The following CNTD1 variants were observed in gnomAD, a reference collection of about 807,000 sequenced individuals.
CNTD1 encodes the protein cyclin N-terminal domain-containing protein 1.
Under a neutral mutation model 36.3 loss-of-function variants are expected in CNTD1, and 17 were observed. That is an observed-to-expected ratio of 0.47 (90% confidence interval 0.32 to 0.70). The LOEUF is 0.70. Ranked by LOEUF, CNTD1 falls within the 30% of genes least tolerant of loss-of-function variation. The pLI is 0.03. For missense variants in CNTD1, 338 were observed against 386.1 expected, an observed-to-expected ratio of 0.88 and a Z score of 1.04; for synonymous variants, 128 against 153.3, an observed-to-expected ratio of 0.83 and a Z score of 1.22.
intron 1 of CNTD1, among the ~76,000 whole-genome samples, chr17:42,801,509 AAATATATATATATATAT>A (rs1253174803): frequency 2.0e-5 from 1 of 50,280 alleles, no homozygotes; most frequent in African/African-American, 1.6e-4. Context: ...AAAAAAAAAA[AAATATATATATATATAT>A]ATATATATAT....
rs2054843166 is a variant in CNTD1, at chr17:42,804,375, CAAACTTTCCTTCCG to C, written c.401_414del (p.Leu134GlnfsTer21). The C allele has an allele frequency of 6.2e-7, 1 of 1,613,992 alleles. No individual in the cohort carries two copies. The highest frequency in any genetic ancestry group is 8.5e-7 in the Non-Finnish European group (1 of 1,179,926). Reference sequence around the variant, plus strand: ...TTGTGTCATGTGTTCAGCTGGCCAGCAAACTTTCCTTCCGAAACAAAGTAAGGAGCTGGGGTTGC... The same window carrying C: ...TTGTGTCATGTGTTCAGCTGGCCAGCAAACAAAGTAAGGAGCTGGGGTTGC... On this transcript the variant is annotated frameshift_variant, in exon 3 of 7. Coordinates refer to ENST00000588408, the MANE Select transcript of CNTD1 (RefSeq NM_173478.3). LOFTEE classifies it high-confidence loss of function.
In CNTD1 at chr17:42,799,138, C is replaced by T. The variant is rs565774899; in HGVS notation, c.71C>T (p.Thr24Met). 2 of 1,614,030 alleles carry T rather than the reference C, an allele frequency of 1.2e-6. No individual in the cohort carries two copies. Among genetic ancestry groups the T allele is most frequent in the East Asian group, 2.2e-5 (1 of 44,854 alleles). The change falls in exon 1 of 7, where the codon ACG (threonine) becomes ATG (methionine). Residue 24 changes from threonine (T) to methionine (M), a missense_variant. Physicochemically the swap from Thr to Met is moderately conservative, Grantham distance 81. Coordinates refer to ENST00000588408, the MANE Select transcript of CNTD1 (RefSeq NM_173478.3). The part of the protein sequence containing the change: ...DFQFGVVATE[T>M]IEDALLHLAQ... ...CAGTTTGGAGTTGTCGCCACAGAGA[C>T]GATTGAAGACGCCCTGCTTCACTTG...
intron 1 of CNTD1, among the ~76,000 whole-genome samples, chr17:42,801,266 G>A (rs1231154560): frequency 6.7e-6 from 1 of 149,492 alleles, no homozygotes; most frequent in Non-Finnish European, 1.5e-5. Flanking sequence ...GAGGAAAAGT[G>A]ACTTTTGTTT....
intron 3 of CNTD1, among the ~76,000 whole-genome samples, chr17:42,805,140 G>GA (rs1006335801): frequency 5.3e-5 from 8 of 152,016 alleles, no homozygotes; most frequent in South Asian, 4.2e-4. Context: ...ATTTATAAGG[G>GA]AAAAAAATGT....
rs762505521 is a variant in CNTD1 at position 42,806,824 on chromosome 17, A to G, written c.725+6A>G. 3 of 1,613,954 alleles carry G rather than the reference A, an allele frequency of 1.9e-6. No homozygotes were observed. The highest frequency in any genetic ancestry group is 2.5e-6 in the Non-Finnish European group (3 of 1,179,904). On this transcript the variant is annotated splice_donor_region_variant and intron_variant, in intron 5 of 6. Transcript: ENST00000588408. ...ACTCCCAGTCAGCTGCAAGGGTAAG[A>G]CAACTCCTATAGGGTAGGCTCCTTC...
chr17:42,804,145 G>A, intron 2 of CNTD1, 80 bp from the exon 3 acceptor site: 1 of 1,355,080 alleles, frequency 7.4e-7, no homozygotes, highest in Non-Finnish European at 1.0e-6. Context: ...AGCCTCAAAT[G>A]TAAATTTCTT....
rs1425500102 is a variant in CNTD1 at position 42,806,659 on chromosome 17, C to T, written c.581-15C>T. 3.1e-6 allele frequency: 5 copies of T among 1,612,824 alleles called. No homozygotes were observed. Among genetic ancestry groups the T allele is most frequent in the Non-Finnish European group, 4.2e-6 (5 of 1,178,988 alleles). On this transcript the variant is annotated splice_polypyrimidine_tract_variant and intron_variant, in intron 4 of 6. Transcript: ENST00000588408. ...TGATCATAAATTCTCCCTATCATTC[C>T]CATACTCCATCTAGGATACAATGGC...
Position 42,810,610 on chromosome 17 carries a change from AT to A in CNTD1, c.*1079del. On this transcript the variant is annotated 3_prime_UTR_variant, in exon 7 of 7. Coordinates refer to ENST00000588408, the MANE Select transcript of CNTD1 (RefSeq NM_173478.3). ...CTCTGGAAAGTATCTGTCACATGAT[AT>A]TTTAAAATAAAGTGGCTTTTGTGGA... 1 of 793,744 alleles carries A rather than the reference AT, an allele frequency of 1.3e-6. No homozygotes were observed. The highest frequency in any genetic ancestry group is 1.8e-6 in the Non-Finnish European group (1 of 542,156). The allele number at this position is 793,744 out of a possible 1,614,324, so 49.2% of individuals were successfully genotyped here.
At chr17:42,807,702 G>T in intron 5 of CNTD1, 66 bp from the exon 6 acceptor site, 1 of 1,134,966 alleles carries the variant, frequency 8.8e-7, no homozygotes, top group South Asian at 1.3e-5. Context: ...GAAGTTCCAT[G>T]ACCCTATGAT....
intron 1 of CNTD1, among the ~76,000 whole-genome samples, chr17:42,801,510 AATATATATATAT>A (rs1216506814): frequency 1.5e-4 from 8 of 54,354 alleles, no homozygotes; most frequent in African/African-American, 8.3e-4. Flanking sequence ...AAAAAAAAAA[AATATATATATAT>A]ATATATATAT....
Position 42,803,703 on chromosome 17 carries a change from C to T in CNTD1, c.245+8C>T, listed in dbSNP as rs2054831254. ...TGTAGAAATCCTAGAAAGGTAAAGCCCTGGCATAATGCCTTTTGAACGGCA... is the reference window on the plus strand; with the variant it reads ...TGTAGAAATCCTAGAAAGGTAAAGCTCTGGCATAATGCCTTTTGAACGGCA... On this transcript the variant is annotated splice_region_variant and intron_variant, in intron 2 of 6. Transcript: ENST00000588408. The T allele has an allele frequency of 1.2e-6, 2 of 1,610,732 alleles. No homozygotes were observed. Among genetic ancestry groups the T allele is most frequent in the Admixed American group, 1.7e-5 (1 of 59,910 alleles).
At chr17:42,799,547 T>G (rs2054736688) in intron 1 of CNTD1, among the ~76,000 whole-genome samples, 1 of 147,292 alleles carries the variant, frequency 6.8e-6, no homozygotes, top group South Asian at 2.2e-4. Flanking sequence ...AGGTCAGGAG[T>G]TCGAGACCAG....
At chr17:42,807,649 T>C in intron 5 of CNTD1, 119 bp from the exon 6 acceptor site, 3 of 722,174 alleles carry the variant, frequency 4.2e-6, no homozygotes, top group South Asian at 3.4e-5. Flanking sequence ...TTTCCTTCCA[T>C]GTCTAAAAAA....
Sources: allele counts gnomAD v4.1 joint callset (sites outside exome capture counted in the v4.1 genomes callset), GRCh38; gene constraint gnomAD v4.1.1; transcripts MANE v1.5; gene names NCBI Gene and HGNC (gene_info 2026-07-23, HGNC 2026-07-21).